LDB2: variants seen among roughly 807,000 people sequenced by gnomAD.
LDB2 encodes LIM domain binding 2.
In LDB2, 12 loss-of-function variants were observed where a neutral mutation model predicts 44.3. That is an observed-to-expected ratio of 0.27 (90% CI 0.17 to 0.44). LDB2 has a LOEUF of 0.44. Among genes scored for constraint, LDB2 ranks in the 20% least tolerant of loss-of-function variants. LDB2 has a pLI of 1.00. For missense variants in LDB2, 344 were observed against 473.5 expected (o/e 0.73, Z 2.54); for synonymous variants, 164 against 174.8 (o/e 0.94, Z 0.49).
intron 1 of LDB2, among the ~76,000 whole-genome samples, chr4:16,807,466 G>A (rs1189653613): frequency 6.6e-6 from 1 of 152,164 alleles, no homozygotes; most frequent in Non-Finnish European, 1.5e-5. Flanking sequence ...TGTGAAGCAT[G>A]TTTTCACTCA....
At chr4:16,608,345 G>A (rs543660065) in intron 2 of LDB2, among the ~76,000 whole-genome samples, 2 of 152,268 alleles carry the variant, frequency 1.3e-5, no homozygotes, top group East Asian at 1.9e-4. Flanking sequence ...TCCACAGGGG[G>A]CTGTGCTTCT....
chr4:16,516,416 C>T (rs1051996614), intron 5 of LDB2, among the ~76,000 whole-genome samples: 1 of 152,180 alleles, frequency 6.6e-6, no homozygotes, highest in African/African-American at 2.4e-5. Flanking sequence ...TATTGAGCTT[C>T]CTCCTAAGTA....
At chr4:16,646,725 T>G (rs1303398784) in intron 2 of LDB2, among the ~76,000 whole-genome samples, 1 of 152,222 alleles carries the variant, frequency 6.6e-6, no homozygotes, top group Non-Finnish European at 1.5e-5. Context: ...TATGCAGTAT[T>G]ATCACAACAA....
At chr4:16,826,902 A>G (rs1783153099) in intron 1 of LDB2, among the ~76,000 whole-genome samples, 1 of 152,224 alleles carries the variant, frequency 6.6e-6, no homozygotes, top group Non-Finnish European at 1.5e-5. Context: ...TGACATTTGA[A>G]CTGCAACAAC....
intron 1 of LDB2, among the ~76,000 whole-genome samples, chr4:16,772,836 T>G (rs1016586230): frequency 6.6e-6 from 1 of 152,172 alleles, no homozygotes; most frequent in African/African-American, 2.4e-5. Context: ...AAATATAATG[T>G]TCACACATGG....
At chr4:16,790,555 G>C (rs749629048) in intron 1 of LDB2, among the ~76,000 whole-genome samples, 3 of 152,142 alleles carry the variant, frequency 2.0e-5, no homozygotes, top group Non-Finnish European at 4.4e-5. Context: ...GTTTGTGTAC[G>C]TACACTCCAT....
chr4:16,518,485 T>G (rs1015158854), intron 5 of LDB2, among the ~76,000 whole-genome samples: 3 of 90,510 alleles, frequency 3.3e-5, no homozygotes, highest in Non-Finnish European at 5.3e-5. Context: ...GCTTGTGTTG[T>G]TTTTTTTTTC....
At chr4:16,784,527 C>T (rs780623550) in intron 1 of LDB2, among the ~76,000 whole-genome samples, 2 of 152,208 alleles carry the variant, frequency 1.3e-5, no homozygotes, top group Non-Finnish European at 2.9e-5. Flanking sequence ...CTCTTCCCCT[C>T]CATAAAGAGC....
At chr4:16,841,552 C>G (rs1458000509) in intron 1 of LDB2, among the ~76,000 whole-genome samples, 1 of 152,324 alleles carries the variant, frequency 6.6e-6, no homozygotes, top group East Asian at 1.9e-4. Context: ...GAGAACATTA[C>G]TTTTCATCTC....
chr4:16,531,665 G>C (rs1244459068), intron 5 of LDB2, among the ~76,000 whole-genome samples: 1 of 152,170 alleles, frequency 6.6e-6, no homozygotes, highest in East Asian at 1.9e-4. Flanking sequence ...TCTTGTTCAA[G>C]TTCTTGTGGG....
chr4:16,615,981 A>C (rs762042691), intron 2 of LDB2, among the ~76,000 whole-genome samples: 37 of 152,310 alleles, frequency 2.4e-4, no homozygotes, highest in African/African-American at 7.2e-5. Context: ...GAATTAGAAC[A>C]GAAGCAACCT....
intron 2 of LDB2, among the ~76,000 whole-genome samples, chr4:16,666,815 G>C (rs1224925632): frequency 6.6e-6 from 1 of 152,208 alleles, no homozygotes; most frequent in Non-Finnish European, 1.5e-5. Context: ...CCCTTGACTA[G>C]ATTTGGACAG....
At chr4:16,855,062 T>C (rs1789075588) in intron 1 of LDB2, among the ~76,000 whole-genome samples, 1 of 152,104 alleles carries the variant, frequency 6.6e-6, no homozygotes, top group African/African-American at 2.4e-5. Flanking sequence ...AGGAAATGCC[T>C]ACAAAATAAT....
chr4:16,810,032 T>C (rs927986802), intron 1 of LDB2, among the ~76,000 whole-genome samples: 1 of 152,216 alleles, frequency 6.6e-6, no homozygotes, highest in Non-Finnish European at 1.5e-5. Context: ...GGACATCCGT[T>C]CTGAGTGGAA....
chr4:16,680,607 G>C (rs1747584704), intron 2 of LDB2, among the ~76,000 whole-genome samples: 1 of 152,220 alleles, frequency 6.6e-6, no homozygotes, highest in Non-Finnish European at 1.5e-5. Context: ...GCTCAGAAAA[G>C]CTAAGTGGCA....
Position 16,809,843 on chromosome 4 carries a change from C to T in LDB2, c.133-50583G>A, listed in dbSNP as rs115976800. Among the ~76,000 whole-genome samples the T allele has an allele frequency of 5.9e-3, 901 of 152,186 alleles. 5 individuals are homozygous for T. The highest frequency in any genetic ancestry group is 0.021 in the African/African-American group (862 of 41,534). On this transcript the variant is annotated intron_variant, in intron 1 of 7. Transcript: ENST00000304523. ...TTATTGATGTGTCAATGCATGTTGT[C>T]GAGTGGATCATAGCAGGATGGCTTT... is the stretch of plus-strand genomic sequence containing the variant.
intron 1 of LDB2, among the ~76,000 whole-genome samples, chr4:16,867,188 G>GA (rs1715010648): frequency 6.6e-6 from 1 of 152,182 alleles, no homozygotes; most frequent in Admixed American, 6.5e-5. Context: ...GCATTCCAAT[G>GA]CTCAGCCTTG....
At chr4:16,723,543 T>C (rs1201648887) in intron 2 of LDB2, among the ~76,000 whole-genome samples, 1 of 152,140 alleles carries the variant, frequency 6.6e-6, no homozygotes, top group Non-Finnish European at 1.5e-5. Context: ...TACATGAACA[T>C]TGGGGAATAT....
At chr4:16,627,344 G>A (rs1318772223) in intron 2 of LDB2, among the ~76,000 whole-genome samples, 1 of 152,088 alleles carries the variant, frequency 6.6e-6, no homozygotes, top group Non-Finnish European at 1.5e-5. Flanking sequence ...TTCCAGTTCA[G>A]TGAAAAAGGG....
Sources: gnomAD v4.1 joint callset for allele counts (sites outside exome capture counted in the v4.1 genomes callset) on GRCh38, gnomAD v4.1.1 for gene constraint, MANE v1.5 for transcripts, NCBI Gene and HGNC (gene_info 2026-07-23, HGNC 2026-07-21) for gene names.